Variants in SEMA6D observed in about 807,000 individuals in gnomAD.
The protein encoded by SEMA6D is semaphorin 6D, also known as semaphorin-6D.
In SEMA6D, 35 loss-of-function variants were observed where a neutral mutation model predicts 106.6. The ratio of observed to expected loss-of-function variants is 0.33; its 90% confidence interval spans 0.25 to 0.44. The LOEUF is 0.44. SEMA6D is among the 20% of genes least tolerant of loss of function. SEMA6D has a pLI of 1.00. For synonymous variants in SEMA6D, 499 were observed against 487.7 expected (o/e 1.02, Z -0.31); for missense variants, 1,185 against 1,345.9 (o/e 0.88, Z 1.87).
intron 1 of SEMA6D, among the ~76,000 whole-genome samples, chr15:47,205,495 GT>G (rs1895001283): frequency 1.3e-5 from 2 of 152,070 alleles, no homozygotes; most frequent in Admixed American, 1.3e-4. Context: ...AGTGAGCAGG[GT>G]CAAAAGCATA....
Position 47,187,258 on chromosome 15 carries a change from GAAA to G in SEMA6D, c.-239+2845_-239+2847del, listed in dbSNP as rs576452119. Among the ~76,000 whole-genome samples the G allele has an allele frequency of 5.9e-5, 9 of 152,112 alleles. No individual in the cohort carries two copies. In the South Asian group the frequency reaches 1.9e-3, roughly 32 times the overall value. On this transcript the variant is annotated intron_variant, in intron 1 of 19. Coordinates refer to the SEMA6D transcript ENST00000558014. ...ACTAAAACCTTATTAAGAGATCTGA[GAAA>G]AAAAGAATTTTCAAAATAGAAATGC...
chr15:47,311,605 A>C (rs543230060), intron 1 of SEMA6D, among the ~76,000 whole-genome samples: 1 of 152,272 alleles, frequency 6.6e-6, no homozygotes, highest in Non-Finnish European at 1.5e-5. Context: ...ACAAATTAAA[A>C]GTTATCTTTT....
chr15:47,671,112 AT>A (rs1790888326), intron 4 of SEMA6D, among the ~76,000 whole-genome samples: 1 of 152,194 alleles, frequency 6.6e-6, no homozygotes, highest in Non-Finnish European at 1.5e-5. Context: ...AGCAAATCTC[AT>A]TACACATAGC....
intron 3 of SEMA6D, among the ~76,000 whole-genome samples, chr15:47,585,130 A>G (rs2076315032): frequency 6.6e-6 from 1 of 152,220 alleles, no homozygotes; most frequent in Non-Finnish European, 1.5e-5. Flanking sequence ...CCAACATCCA[A>G]ATGAAACCTG....
chr15:47,269,424 A>AT (rs1210484132), intron 1 of SEMA6D, among the ~76,000 whole-genome samples: 1 of 152,126 alleles, frequency 6.6e-6, no homozygotes, highest in African/African-American at 2.4e-5. Context: ...GCAGCTAAAC[A>AT]TACTGATTTT....
In SEMA6D at chr15:47,768,590, T is replaced by G. The variant is rs149590055; in HGVS notation, c.1775T>G (p.Val592Gly). The change falls in exon 18 of 19, where the codon GTA becomes GGA. Residue 592 changes from valine to glycine, a missense_variant. Around this residue, in one of 3 missense-constraint regions of SEMA6D, gnomAD observed 750 missense variants for 783.5 expected, o/e 0.96. Transcript: ENST00000536845. The part of the protein sequence containing the change: ...IFGGPTSDME[V>G]SSSSVTTMAS... Reference sequence around the variant, plus strand: ...CTGTTTGCCACCACAGACATGGAGGTATCTTCATCTTCTGTTACCACAATG... The same window carrying G: ...CTGTTTGCCACCACAGACATGGAGGGATCTTCATCTTCTGTTACCACAATG... 83 of 1,609,756 alleles carry G rather than the reference T, an allele frequency of 5.2e-5. No homozygotes were observed. The highest frequency in any genetic ancestry group is 7.1e-5 in the Non-Finnish European group (83 of 1,177,248).
chr15:47,324,787 T>G (rs2037060321), intron 1 of SEMA6D, among the ~76,000 whole-genome samples: 1 of 151,786 alleles, frequency 6.6e-6, no homozygotes, highest in Admixed American at 6.6e-5. Context: ...TATACATGTG[T>G]ATGTGTTTAT....
At position 47,771,525 on chromosome 15, in the gene SEMA6D, T is replaced by C; in HGVS notation, c.2962T>C (p.Leu988=). 2 of 1,614,090 alleles carry C rather than the reference T, an allele frequency of 1.2e-6. No individual in the cohort carries two copies. The highest frequency in any genetic ancestry group is 1.7e-6 in the Non-Finnish European group (2 of 1,179,992). ...AAACTTAAACTCACCAAATGGTGTT[T>C]TGTTATCCAGACAGCCTAGTATGAA... ...PKNLNSPNGV[L]LSRQPSMNRG... is the part of the protein sequence containing the mutation. Residue 988 remains leucine, a synonymous_variant, in exon 19 of 19, where the codon TTG becomes CTG. Transcript: ENST00000536845.
intron 1 of SEMA6D, among the ~76,000 whole-genome samples, chr15:47,334,058 T>C (rs2037452798): frequency 6.6e-6 from 1 of 152,158 alleles, no homozygotes; most frequent in Non-Finnish European, 1.5e-5. Flanking sequence ...ATGCACTTTT[T>C]ATTTTATCAC....
chr15:47,417,544 T>C (rs747998085), intron 2 of SEMA6D, among the ~76,000 whole-genome samples: 4 of 131,352 alleles, frequency 3.0e-5, no homozygotes, highest in Admixed American at 8.4e-5. Context: ...AAATATCTAT[T>C]GTTTAAGGAG....
At chr15:47,231,522 A>G (rs759801178) in intron 1 of SEMA6D, among the ~76,000 whole-genome samples, 1 of 152,034 alleles carries the variant, frequency 6.6e-6, no homozygotes, top group Non-Finnish European at 1.5e-5. Flanking sequence ...CACTCTTTCC[A>G]GGCAGGGATG....
intron 3 of SEMA6D, among the ~76,000 whole-genome samples, chr15:47,473,898 G>A (rs778500001): frequency 3.3e-5 from 5 of 151,970 alleles, no homozygotes; most frequent in East Asian, 1.9e-4. Context: ...TTGTAATCTC[G>A]CAATTCTGGC....
chr15:47,539,423 G>A (rs949926090), intron 3 of SEMA6D, among the ~76,000 whole-genome samples: 1 of 150,278 alleles, frequency 6.7e-6, no homozygotes, highest in African/African-American at 2.4e-5. Flanking sequence ...TTTTTTGTTT[G>A]TTTGTTTGTT....
intron 3 of SEMA6D, among the ~76,000 whole-genome samples, chr15:47,471,431 CT>C (rs946363232): frequency 6.6e-6 from 1 of 152,176 alleles, no homozygotes; most frequent in African/African-American, 2.4e-5. Context: ...TTAATTGTTA[CT>C]TTTTGAAATC....
chr15:47,425,653 A>G (rs576453416), intron 2 of SEMA6D, among the ~76,000 whole-genome samples: 3 of 151,252 alleles, frequency 2.0e-5, no homozygotes, highest in Admixed American at 2.0e-4. Context: ...CTGTGCCTAA[A>G]TGGTATTTAA....
At chr15:47,606,084 A>G (rs551401550) in intron 4 of SEMA6D, among the ~76,000 whole-genome samples, 2 of 152,198 alleles carry the variant, frequency 1.3e-5, no homozygotes, top group East Asian at 3.9e-4. Context: ...TAGAACACAT[A>G]TGCTCCTATC....
intron 1 of SEMA6D, among the ~76,000 whole-genome samples, chr15:47,403,327 G>T (rs1443715242): frequency 6.6e-6 from 1 of 152,212 alleles, no homozygotes; most frequent in African/African-American, 2.4e-5. Context: ...CCCCAGCAAT[G>T]ACTGCCATGC....
chr15:47,650,876 C>G (rs972966971), intron 4 of SEMA6D, among the ~76,000 whole-genome samples: 19 of 152,208 alleles, frequency 1.2e-4, no homozygotes, highest in African/African-American at 4.6e-4. Flanking sequence ...TAAGAAGAAA[C>G]TTAAAAATTA....
chr15:47,571,532 AATC>A (rs1257443517), intron 3 of SEMA6D, among the ~76,000 whole-genome samples: 4 of 152,236 alleles, frequency 2.6e-5, no homozygotes, highest in African/African-American at 9.6e-5. Flanking sequence ...AACATCCCAG[AATC>A]ATCATCAATC....
Sources: allele counts gnomAD v4.1 joint callset (sites outside exome capture counted in the v4.1 genomes callset), GRCh38; gene constraint gnomAD v4.1.1; regional missense constraint gnomAD v4.1.1; transcripts MANE v1.5; gene names NCBI Gene and HGNC (gene_info 2026-07-23, HGNC 2026-07-21).